The following STX5 variants were observed in gnomAD, a reference collection of about 807,000 sequenced individuals.
The protein encoded by STX5 is syntaxin 5, also known as syntaxin-5.
Under a neutral mutation model 42.9 loss-of-function variants are expected in STX5, and 15 were observed. The ratio of observed to expected loss-of-function variants is 0.35; its 90% CI spans 0.23 to 0.54. STX5 has a LOEUF of 0.54. Ranked by LOEUF, STX5 falls within the 20% of genes least tolerant of loss-of-function variation. STX5 has a pLI of 0.91. For missense variants in STX5, 430 were observed against 455.0 expected (o/e 0.95, Z 0.50); for synonymous variants, 184 against 173.2 (o/e 1.06, Z -0.49).
intron 10 of STX5, among the ~76,000 whole-genome samples, chr11:62,822,373 A>C (rs577356288): frequency 6.6e-6 from 1 of 152,286 alleles, no homozygotes; most frequent in East Asian, 1.9e-4. Flanking sequence ...AAACACAGAA[A>C]AACTAACCCC....
At chr11:62,807,887 C>T (rs952384067) in intron 10 of STX5, 12 of 533,876 alleles carry the variant, frequency 2.2e-5, no homozygotes, top group African/African-American at 1.7e-4. Flanking sequence ...ATGAGGATAA[C>T]CCAAACCCTA....
chr11:62,807,335 T>C lies in STX5; in HGVS notation c.*134A>G. On this transcript the variant is annotated 3_prime_UTR_variant, in exon 11 of 11. Coordinates refer to ENST00000294179, the MANE Select transcript of STX5 (RefSeq NM_003164.5). ...GCAAGGGGTGGGGGATCAGGGGCAGTGGTCATTCTTAGCAGTTCCAGGGAA... is the reference window on the plus strand; with the variant it reads ...GCAAGGGGTGGGGGATCAGGGGCAGCGGTCATTCTTAGCAGTTCCAGGGAA... 7.3e-7 allele frequency: 1 copy of C among 1,374,268 alleles called. No homozygotes were observed. Among genetic ancestry groups the C allele is most frequent in the Non-Finnish European group, 9.7e-7 (1 of 1,031,102 alleles). The allele number at this position is 1,374,268 out of a possible 1,614,324, so 85.1% of individuals were successfully genotyped here.
chr11:62,828,620 G>C (rs1010478597), intron 2 of STX5, among the ~76,000 whole-genome samples: 5 of 152,086 alleles, frequency 3.3e-5, no homozygotes, highest in African/African-American at 1.2e-4. Context: ...CAGCTACTCA[G>C]CAGGCTGAGG....
chr11:62,828,396 A>C (rs1303896395), intron 2 of STX5, among the ~76,000 whole-genome samples: 1 of 152,218 alleles, frequency 6.6e-6, no homozygotes, highest in Non-Finnish European at 1.5e-5. Context: ...TACAGGTGCC[A>C]GCCAGCATGT....
At chr11:62,818,548 G>A (rs1405941158) in intron 10 of STX5, among the ~76,000 whole-genome samples, 38 of 132,388 alleles carry the variant, frequency 2.9e-4, no homozygotes, top group African/African-American at 9.9e-4. Context: ...GGCAACAAGA[G>A]CAAAAACTCT....
intron 10 of STX5, among the ~76,000 whole-genome samples, chr11:62,822,348 G>C (rs1253901783): frequency 6.6e-6 from 1 of 151,776 alleles, no homozygotes; most frequent in Non-Finnish European, 1.5e-5. Flanking sequence ...GGGCGACACA[G>C]CAAGGCTCTG....
At chr11:62,830,597 C>G in intron 2 of STX5, 1 of 461,994 alleles carries the variant, frequency 2.2e-6, no homozygotes, top group Non-Finnish European at 4.3e-6. Flanking sequence ...TGTCCTTAAT[C>G]TTACAGAGAT....
intron 10 of STX5, among the ~76,000 whole-genome samples, chr11:62,812,881 G>C (rs1218623582): frequency 6.6e-6 from 1 of 151,676 alleles, no homozygotes; most frequent in Admixed American, 6.6e-5. Context: ...GGGAGGCCGA[G>C]GTGGGCGGAT....
intron 10 of STX5, among the ~76,000 whole-genome samples, chr11:62,818,978 G>C (rs1302745267): frequency 1.3e-5 from 2 of 152,024 alleles, no homozygotes; most frequent in African/African-American, 4.8e-5. Flanking sequence ...CCAGCACTTT[G>C]GGAGGCCGAG....
intron 1 of STX5, 141 bp downstream of exon 1, chr11:62,831,813 G>A: frequency 2.3e-6 from 1 of 431,682 alleles, no homozygotes; most frequent in Non-Finnish European, 4.7e-6. Flanking sequence ...TGGACGGCAA[G>A]GAATTCGCTC....
chr11:62,809,788 C>T (rs2084596454), intron 10 of STX5, among the ~76,000 whole-genome samples: 1 of 144,484 alleles, frequency 6.9e-6, no homozygotes, highest in African/African-American at 2.5e-5. Flanking sequence ...TTTGCACCTA[C>T]TTTCAAATAA....
intron 10 of STX5, among the ~76,000 whole-genome samples, chr11:62,809,009 C>T (rs1187099194): frequency 3.3e-5 from 5 of 152,062 alleles, no homozygotes; most frequent in East Asian, 3.9e-4. Context: ...CAAATGGGGG[C>T]CGGACATGGT....
chr11:62,818,798 C>T (rs1212954197), intron 10 of STX5, among the ~76,000 whole-genome samples: 1 of 150,654 alleles, frequency 6.6e-6, no homozygotes, highest in Admixed American at 6.6e-5. Flanking sequence ...GAGCCATGAT[C>T]GTGCCACTGC....
chr11:62,830,643 C>A, intron 2 of STX5: 1 of 472,708 alleles, frequency 2.1e-6, no homozygotes, highest in Non-Finnish European at 4.1e-6. Context: ...CTAATTTTCT[C>A]ATGGTTACAG....
intron 10 of STX5, among the ~76,000 whole-genome samples, chr11:62,813,164 C>G (rs1050916999): frequency 6.6e-6 from 1 of 150,772 alleles, no homozygotes; most frequent in Admixed American, 6.6e-5. Flanking sequence ...ATCCCAGCTA[C>G]TCGGGAGGCT....
intron 8 of STX5, 82 bp from the exon 9 acceptor site, chr11:62,824,647 C>T: frequency 7.5e-7 from 1 of 1,325,554 alleles, no homozygotes; most frequent in South Asian, 1.2e-5. Flanking sequence ...TGAATCCCAG[C>T]TCTAGCACTT....
chr11:62,826,127 G>A (rs2084793311), intron 5 of STX5, among the ~76,000 whole-genome samples: 3 of 152,080 alleles, frequency 2.0e-5, no homozygotes, highest in Admixed American at 1.3e-4. Flanking sequence ...GGTGGCGCGC[G>A]CCTATAATCC....
At chr11:62,825,674 AC>A in intron 5 of STX5, 135 bp from the exon 6 acceptor site, 1 of 789,246 alleles carries the variant, frequency 1.3e-6, no homozygotes, top group Non-Finnish European at 2.1e-6. Flanking sequence ...AGACAGTCAG[AC>A]CAGATGGGCC....
intron 10 of STX5, among the ~76,000 whole-genome samples, chr11:62,818,966 T>C (rs2084706947): frequency 6.6e-6 from 1 of 151,834 alleles, no homozygotes; most frequent in Admixed American, 6.6e-5. Context: ...GTGCCTGTAA[T>C]CCCAGCACTT....
Sources: gnomAD v4.1 joint callset for allele counts (sites outside exome capture counted in the v4.1 genomes callset) on GRCh38, gnomAD v4.1.1 for gene constraint, MANE v1.5 for transcripts, NCBI Gene and HGNC (gene_info 2026-07-23, HGNC 2026-07-21) for gene names.